Variants in XRCC5 observed in about 807,000 individuals in gnomAD.
XRCC5 encodes the protein DNA repair protein Ku80.
A neutral mutation model predicts 95.7 loss-of-function variants in XRCC5; 12 were observed. That is an observed-to-expected ratio of 0.13 (90% CI 0.08 to 0.20). The LOEUF (loss-of-function observed/expected upper bound fraction) is 0.20. Among genes scored for constraint, XRCC5 ranks in the 10% least tolerant of loss-of-function variants. The pLI is 1.00. For synonymous variants in XRCC5, 281 were observed against 290.3 expected, an observed-to-expected ratio of 0.97 and a Z score of 0.33; for missense variants, 595 against 873.9, an observed-to-expected ratio of 0.68 and a Z score of 4.02.
At chr2:216,169,945 A>G (rs913370495) in intron 16 of XRCC5, among the ~76,000 whole-genome samples, 21 of 144,858 alleles carry the variant, frequency 1.4e-4, no homozygotes, top group African/African-American at 4.8e-4. Flanking sequence ...AGGCTGAGGC[A>G]GGAAAATTGC....
intron 13 of XRCC5, among the ~76,000 whole-genome samples, chr2:216,142,234 A>G (rs1697184195): frequency 1.3e-5 from 2 of 152,078 alleles, no homozygotes; most frequent in African/African-American, 2.4e-5. Context: ...CTATATCAAA[A>G]TAGTAGGAGA....
At chr2:216,203,254 A>G (rs1490934407) in intron 19 of XRCC5, among the ~76,000 whole-genome samples, 2 of 152,160 alleles carry the variant, frequency 1.3e-5, no homozygotes, top group Non-Finnish European at 2.9e-5. Context: ...CAGTTGTGGT[A>G]CCATAACTGA....
At chr2:216,182,887 TA>T (rs1156484964) in intron 16 of XRCC5, among the ~76,000 whole-genome samples, 5 of 152,312 alleles carry the variant, frequency 3.3e-5, no homozygotes, top group African/African-American at 1.2e-4. Flanking sequence ...TGAATATTTT[TA>T]ATAAAAAATT....
At chr2:216,186,926 G>T (rs910513344) in intron 16 of XRCC5, among the ~76,000 whole-genome samples, 27 of 152,154 alleles carry the variant, frequency 1.8e-4, no homozygotes, top group African/African-American at 6.3e-4. Flanking sequence ...ATTAAAAATG[G>T]CAGGGAAATG....
chr2:216,109,569 G>T, intron 1 of XRCC5, 112 bp downstream of exon 1: 1 of 1,484,200 alleles, frequency 6.7e-7, no homozygotes, highest in Non-Finnish European at 9.2e-7. Context: ...GGCAAGAGAA[G>T]ATCATGGTGG....
At chr2:216,123,737 C>T (rs1173195710) in intron 6 of XRCC5, among the ~76,000 whole-genome samples, 1 of 152,138 alleles carries the variant, frequency 6.6e-6, no homozygotes, top group African/African-American at 2.4e-5. Context: ...ACCTAGGAGG[C>T]GGAGGTTGCA....
At chr2:216,154,126 G>A (rs542823594) in intron 14 of XRCC5, among the ~76,000 whole-genome samples, 4 of 152,206 alleles carry the variant, frequency 2.6e-5, no homozygotes, top group Non-Finnish European at 4.4e-5. Context: ...TGATTTTGGG[G>A]TCGAATTTGG....
rs765240045 is a variant in XRCC5, at chr2:216,132,413, T to C, written c.1113+26T>C. On this transcript the variant is annotated intron_variant, in intron 10 of 20. Transcript: ENST00000392132. ...GTGAGTTGGCAGCAGGTCTTTGAGGTAGTGCTACAGAATTGAATTGTAAGT... is the reference window on the plus strand; with the variant it reads ...GTGAGTTGGCAGCAGGTCTTTGAGGCAGTGCTACAGAATTGAATTGTAAGT... The C allele has an allele frequency of 3.7e-6, 6 of 1,610,730 alleles. No homozygotes were observed. The East Asian group carries it at 8.9e-5, about 24-fold the overall frequency.
intron 19 of XRCC5, among the ~76,000 whole-genome samples, chr2:216,198,642 G>T (rs1179791022): frequency 1.3e-5 from 2 of 151,954 alleles, no homozygotes; most frequent in Non-Finnish European, 2.9e-5. Context: ...TGCAACCTCT[G>T]CCTCCCAGGT....
At chr2:216,162,227 G>T (rs1030812248) in intron 16 of XRCC5, among the ~76,000 whole-genome samples, 179 bp downstream of exon 16, 4 of 152,180 alleles carry the variant, frequency 2.6e-5, no homozygotes, top group Admixed American at 2.6e-4. Flanking sequence ...ACATGAAAGT[G>T]AACTCAGCAC....
At chr2:216,143,827 C>A (rs1697209262) in intron 13 of XRCC5, among the ~76,000 whole-genome samples, 1 of 151,974 alleles carries the variant, frequency 6.6e-6, no homozygotes, top group South Asian at 2.1e-4. Flanking sequence ...CTGCCTCAGC[C>A]TCCCGAGTAG....
chr2:216,203,475 C>T (rs1303908957), intron 19 of XRCC5, among the ~76,000 whole-genome samples: 2 of 152,176 alleles, frequency 1.3e-5, no homozygotes, highest in East Asian at 1.9e-4. Context: ...AAAGGCTCCC[C>T]ACTGCTATCC....
chr2:216,195,863 G>A (rs1206666776), intron 19 of XRCC5, among the ~76,000 whole-genome samples: 1 of 152,168 alleles, frequency 6.6e-6, no homozygotes, highest in Non-Finnish European at 1.5e-5. Flanking sequence ...GCACCTGACA[G>A]CTCTCAGTTA....
At chr2:216,202,460 G>A (rs902486454) in intron 19 of XRCC5, among the ~76,000 whole-genome samples, 1 of 152,186 alleles carries the variant, frequency 6.6e-6, no homozygotes, top group Non-Finnish European at 1.5e-5. Context: ...GCTAGTAAAT[G>A]TATAGATTTT....
intron 13 of XRCC5, among the ~76,000 whole-genome samples, chr2:216,147,872 A>T (rs757280164): frequency 3.3e-5 from 5 of 152,194 alleles, no homozygotes; most frequent in Non-Finnish European, 7.4e-5. Context: ...TACTGTTGCT[A>T]GGCTTGGATC....
intron 4 of XRCC5, among the ~76,000 whole-genome samples, chr2:216,118,409 T>G (rs1299121077): frequency 6.6e-6 from 1 of 152,190 alleles, no homozygotes; most frequent in East Asian, 1.9e-4. Flanking sequence ...ACTCTTGGCT[T>G]CAAGCAGTCC....
chr2:216,130,941 C>T lies in XRCC5; in HGVS notation c.1004C>T (p.Ser335Leu), dbSNP rs1696985381. The T allele has an allele frequency of 6.2e-6, 10 of 1,613,358 alleles. No individual in the cohort carries two copies. The highest frequency in any genetic ancestry group is 7.6e-6 in the Non-Finnish European group (9 of 1,179,778). ...KVDEEQMKYK[S>L]EGKCFSVLGF... ...GATGAGGAACAAATGAAATATAAAT[C>T]GGAGGGGAAGTGCTTCTCTGTTTTG... The change falls in exon 9 of 21, where the codon TCG becomes TTG. Residue 335 changes from serine (S) to leucine (L), a missense_variant. Ser to Leu is a moderately radical substitution (Grantham distance 145). Coordinates refer to ENST00000392132, the MANE Select transcript of XRCC5 (RefSeq NM_021141.4).
Position 216,122,139 on chromosome 2 carries a change from C to T in XRCC5, c.569C>T (p.Pro190Leu). 6.2e-7 allele frequency: 1 copy of T among 1,614,110 alleles called. No homozygotes were observed. ...DGPFRLGGHG[P>L]SFPLKGITEQ... ...CCCTTTCGCTTAGGTGGCCATGGGC[C>T]TTCCTTTCCACTAAAAGGAATTACC... The change falls in exon 6 of 21, where the codon CCT (proline) becomes CTT (leucine). Residue 190 changes from proline (P) to leucine (L), a missense_variant. Physicochemically the swap from Pro to Leu is moderately conservative, Grantham distance 98. Transcript: ENST00000392132.
In XRCC5 at chr2:216,180,142, C is replaced by T. The variant is rs181333079; in HGVS notation, c.1835-10083C>T. Among the ~76,000 whole-genome samples, 6 of 152,252 alleles carry T rather than the reference C, an allele frequency of 3.9e-5. No individual in the cohort carries two copies. The East Asian group carries it at 7.7e-4, about 20-fold the overall frequency. On this transcript the variant is annotated intron_variant, in intron 16 of 20. Transcript: ENST00000392132. ...AAAGGTCTGAGTTGTATGTATAAAT[C>T]GTGGAGAAGGAGCCATAGAGACTTT...
Sources: allele counts gnomAD v4.1 joint callset (sites outside exome capture counted in the v4.1 genomes callset), GRCh38; gene constraint gnomAD v4.1.1; transcripts MANE v1.5; gene names NCBI Gene and HGNC (gene_info 2026-07-23, HGNC 2026-07-21).